Variants in VEPH1 observed in about 807,000 individuals in gnomAD.
VEPH1 encodes the protein ventricular zone expressed PH domain containing 1, also known as ventricular zone-expressed PH domain-containing protein homolog 1.
Under a neutral mutation model 85.2 loss-of-function variants are expected in VEPH1, and 80 were observed. The observed-to-expected ratio is 0.94, with a 90% confidence interval of 0.78 to 1.13. The LOEUF (loss-of-function observed/expected upper bound fraction) is 1.13, where lower values mean the gene tolerates loss of function less well. Ranked by LOEUF, VEPH1 falls within the 50% of genes most tolerant of loss-of-function variation. The pLI is 0.00. For synonymous variants in VEPH1, 297 were observed against 348.0 expected (o/e 0.85, Z 1.63); for missense variants, 955 against 980.5 (o/e 0.97, Z 0.35).
At chr3:157,456,922 A>T (rs1361264601) in intron 4 of VEPH1, among the ~76,000 whole-genome samples, 1 of 152,056 alleles carries the variant, frequency 6.6e-6, no homozygotes. Flanking sequence ...TGTCATTAGT[A>T]ATTTAATAGG....
Position 157,495,518 on chromosome 3 carries a change from A to T in VEPH1, c.-157-12T>A. 3 of 1,431,310 alleles carry T rather than the reference A, an allele frequency of 2.1e-6. No homozygotes were observed. The African/African-American group carries it at 4.2e-5, about 20-fold the overall frequency. The allele number at this position is 1,431,310 out of a possible 1,614,324, so 88.7% of individuals were successfully genotyped here. The stretch of plus-strand genomic sequence containing the variant: ...TTCATTGACACTCTCTGCAAGGGAA[A>T]CAAATGACACAATGTAGCCACTGGC... On this transcript the variant is annotated splice_polypyrimidine_tract_variant and intron_variant, in intron 1 of 13. Transcript: ENST00000362010.
intron 9 of VEPH1, among the ~76,000 whole-genome samples, chr3:157,361,814 AG>A (rs1726073392): frequency 6.6e-6 from 1 of 152,236 alleles, no homozygotes; most frequent in African/African-American, 2.4e-5. Flanking sequence ...CAAAATGTAA[AG>A]GAGTGTCAGA....
At chr3:157,363,894 T>C in intron 8 of VEPH1, 133 bp from the exon 9 acceptor site, 1 of 1,006,590 alleles carries the variant, frequency 9.9e-7, no homozygotes, top group South Asian at 2.0e-5. Flanking sequence ...CTGATAAATG[T>C]ATACCACCAA....
intron 6 of VEPH1, 131 bp downstream of exon 6, chr3:157,413,750 T>C: frequency 7.2e-7 from 1 of 1,386,872 alleles, no homozygotes; most frequent in Non-Finnish European, 9.6e-7. Context: ...CAAATTTGTA[T>C]GTCAAAGAGA....
Position 157,261,298 on chromosome 3 carries a change from T to A in VEPH1, c.2338A>T (p.Arg780Trp). ...AAAGCCCGGGGGAGAGAGCGGTCCC[T>A]GCGTTTCTTGGCCACAGCCTTCACA... ...QSVKAVAKKR[R>W]DRSLPRAFEI... The change falls in exon 14 of 14, where the codon AGG becomes TGG. Residue 780 changes from arginine (R) to tryptophan (W), a missense_variant. Arg to Trp is a moderately radical substitution (Grantham distance 101). Transcript: ENST00000362010. 1 of 1,613,734 alleles carries A rather than the reference T, an allele frequency of 6.2e-7. No homozygotes were observed. The highest frequency in any genetic ancestry group is 8.5e-7 in the Non-Finnish European group (1 of 1,179,758).
At position 157,428,375 on chromosome 3, in the gene VEPH1, G is replaced by GT; in HGVS notation, c.642dup (p.Gln215ThrfsTer37). On this transcript the variant is annotated frameshift_variant, in exon 5 of 14. Coordinates refer to ENST00000362010, the MANE Select transcript of VEPH1 (RefSeq NM_001167912.2). LOFTEE classifies it high-confidence loss of function. ...TGCAAAAGCCGTAGTAGATGGTACT[G>GT]TTCTGGCTGTTCCAGCTGAGACATC... 11 of 1,614,116 alleles carry GT rather than the reference G, an allele frequency of 6.8e-6. No homozygotes were observed. Among genetic ancestry groups the GT allele is most frequent in the Non-Finnish European group, 9.3e-6 (11 of 1,180,004 alleles).
intron 4 of VEPH1, among the ~76,000 whole-genome samples, chr3:157,456,123 C>G (rs970525774): frequency 6.6e-6 from 1 of 152,048 alleles, no homozygotes; most frequent in African/African-American, 2.4e-5. Context: ...CTCTAATGAT[C>G]AGTAATGTTG....
intron 5 of VEPH1, among the ~76,000 whole-genome samples, chr3:157,425,778 G>A (rs1577625365): frequency 6.6e-6 from 1 of 152,172 alleles, no homozygotes; most frequent in Non-Finnish European, 1.5e-5. Flanking sequence ...AGGCATGGTT[G>A]GTTTTGAAAT....
intron 6 of VEPH1, among the ~76,000 whole-genome samples, chr3:157,409,097 A>ATT (rs141229794): frequency 4.6e-5 from 7 of 150,974 alleles, no homozygotes; most frequent in African/African-American, 1.7e-4. Context: ...TCCATCAAGC[A>ATT]TTTTTTTTTA....
At chr3:157,428,233 A>G in intron 5 of VEPH1, 89 bp downstream of exon 5, 4 of 1,384,112 alleles carry the variant, frequency 2.9e-6, no homozygotes, top group Non-Finnish European at 3.9e-6. Context: ...TAAATGTATG[A>G]GACAGGAAAT....
chr3:157,331,832 T>C (rs1722536765), intron 9 of VEPH1, among the ~76,000 whole-genome samples: 1 of 152,198 alleles, frequency 6.6e-6, no homozygotes, highest in Non-Finnish European at 1.5e-5. Flanking sequence ...CACACTTCCA[T>C]TGTACATAAG....
chr3:157,330,203 T>G (rs573415188), intron 9 of VEPH1, among the ~76,000 whole-genome samples: 1 of 152,336 alleles, frequency 6.6e-6, no homozygotes, highest in East Asian at 1.9e-4. Context: ...CACTTTGAAA[T>G]TAAATAAAGT....
intron 4 of VEPH1, chr3:157,437,122 A>G: frequency 6.3e-7 from 1 of 1,584,754 alleles, no homozygotes; most frequent in South Asian, 1.1e-5. Context: ...CTCTTGGTCT[A>G]AATAACACAC....
At chr3:157,386,747 G>A (rs986684534) in intron 6 of VEPH1, among the ~76,000 whole-genome samples, 6 of 152,224 alleles carry the variant, frequency 3.9e-5, no homozygotes, top group South Asian at 2.1e-4. Flanking sequence ...TCCTGCAAAC[G>A]TGTGGTGGTA....
chr3:157,355,178 G>A (rs1419450848), intron 9 of VEPH1, among the ~76,000 whole-genome samples: 2 of 152,202 alleles, frequency 1.3e-5, no homozygotes, highest in African/African-American at 4.8e-5. Context: ...TGACAGAACC[G>A]TGTTCCTTTT....
At chr3:157,274,451 C>G (rs977275589) in intron 12 of VEPH1, among the ~76,000 whole-genome samples, 1 of 152,126 alleles carries the variant, frequency 6.6e-6, no homozygotes, top group African/African-American at 2.4e-5. Flanking sequence ...GTATGAAAGG[C>G]AATTCCAAGT....
intron 4 of VEPH1, 172 bp downstream of exon 4, chr3:157,460,009 C>G (rs746965020): frequency 8.9e-5 from 138 of 1,546,774 alleles, no homozygotes; most frequent in Non-Finnish European, 1.2e-4. Flanking sequence ...GGGACACAGA[C>G]AGCCAGATTA....
At chr3:157,388,264 T>A (rs1390440265) in intron 6 of VEPH1, among the ~76,000 whole-genome samples, 4 of 152,338 alleles carry the variant, frequency 2.6e-5, no homozygotes, top group South Asian at 2.1e-4. Flanking sequence ...TGGCCAGTGA[T>A]GCTTAACTGC....
At chr3:157,301,598 C>G (rs1052408941) in intron 11 of VEPH1, among the ~76,000 whole-genome samples, 1 of 152,170 alleles carries the variant, frequency 6.6e-6, no homozygotes, top group African/African-American at 2.4e-5. Context: ...CGTACCTTGC[C>G]CTTAAAACTC....
Sources: allele counts gnomAD v4.1 joint callset (sites outside exome capture counted in the v4.1 genomes callset), GRCh38; gene constraint gnomAD v4.1.1; transcripts MANE v1.5; gene names NCBI Gene and HGNC (gene_info 2026-07-23, HGNC 2026-07-21).